Variants in CNTN4 observed in about 807,000 individuals in gnomAD.
CNTN4 encodes the protein contactin 4.
Under a neutral mutation model 122.5 loss-of-function variants are expected in CNTN4, and 77 were observed. The observed-to-expected ratio is 0.63, with a 90% CI of 0.52 to 0.76. The LOEUF is 0.76. CNTN4 is among the 30% of genes least tolerant of loss of function. The pLI is 0.00. For synonymous variants in CNTN4, 512 were observed against 447.0 expected, an observed-to-expected ratio of 1.15 and a Z score of -1.83; for missense variants, 1,256 against 1,259.1, an observed-to-expected ratio of 1.00 and a Z score of 0.04.
At chr3:2,531,935 A>G (rs2077612087) in intron 3 of CNTN4, among the ~76,000 whole-genome samples, 1 of 152,176 alleles carries the variant, frequency 6.6e-6, no homozygotes, top group Non-Finnish European at 1.5e-5. Flanking sequence ...GAAAATTTCA[A>G]CCTTATACAC....
chr3:2,503,464 C>T (rs899226954), intron 3 of CNTN4, among the ~76,000 whole-genome samples: 1 of 152,022 alleles, frequency 6.6e-6, no homozygotes, highest in Non-Finnish European at 1.5e-5. Context: ...GCTTAGTGTG[C>T]CAGGCGTCTT....
chr3:2,672,055 G>A (rs934304768), intron 4 of CNTN4, among the ~76,000 whole-genome samples: 3 of 152,214 alleles, frequency 2.0e-5, no homozygotes, highest in African/African-American at 7.2e-5. Flanking sequence ...AGGCTACTCA[G>A]GGGTCAGGGA....
chr3:2,172,929 G>C (rs1209984349), intron 2 of CNTN4, among the ~76,000 whole-genome samples: 1 of 152,136 alleles, frequency 6.6e-6, no homozygotes, highest in Non-Finnish European at 1.5e-5. Flanking sequence ...GAGAAGAAAG[G>C]CAAAGATGAT....
intron 3 of CNTN4, chr3:2,511,690 TAC>T (rs1455366738): frequency 9.2e-5 from 14 of 152,224 alleles, no homozygotes; most frequent in Non-Finnish European, 2.9e-5. Flanking sequence ...CATTTTACTT[TAC>T]AGTCTGTAAG....
chr3:2,428,768 G>A lies in CNTN4; in HGVS notation c.-89+89535G>A, dbSNP rs143074730. Among the ~76,000 whole-genome samples, 659 of 152,190 alleles carry A rather than the reference G, an allele frequency of 4.3e-3. 3 individuals are homozygous for A. The highest frequency in any genetic ancestry group is 0.014 in the African/African-American group (596 of 41,542). On this transcript the variant is annotated intron_variant, in intron 3 of 24. Transcript: ENST00000418658. The stretch of plus-strand genomic sequence containing the variant: ...CCCATATTCCTTGGAGGCTTTGTTC[G>A]TTTCTTTTTACTCTTTTTTCTCTAA...
At chr3:2,961,915 C>T (rs1004787198) in intron 13 of CNTN4, among the ~76,000 whole-genome samples, 1 of 152,214 alleles carries the variant, frequency 6.6e-6, no homozygotes, top group African/African-American at 2.4e-5. Flanking sequence ...TTTTTGTGTT[C>T]CTGCTTTCAG....
intron 14 of CNTN4, among the ~76,000 whole-genome samples, chr3:2,991,926 T>C (rs1434940026): frequency 6.6e-6 from 1 of 152,206 alleles, no homozygotes; most frequent in Non-Finnish European, 1.5e-5. Context: ...GATTTCCTCA[T>C]GTGTCTGGGA....
intron 6 of CNTN4, among the ~76,000 whole-genome samples, chr3:2,797,921 T>TTA (rs2092239319): frequency 1.3e-4 from 1 of 7,698 alleles, no homozygotes; most frequent in Non-Finnish European, 2.0e-3. Context: ...ACACTGAGTA[T>TTA]TTTTTTTTTT....
intron 14 of CNTN4, among the ~76,000 whole-genome samples, chr3:2,990,009 C>T (rs1325795559): frequency 2.0e-5 from 3 of 152,194 alleles, no homozygotes; most frequent in African/African-American, 7.2e-5. Context: ...ATTTGAGTCT[C>T]ATTTCTACCA....
chr3:2,269,966 G>A (rs1153494), intron 2 of CNTN4, among the ~76,000 whole-genome samples: 8,433 of 100,566 alleles, frequency 0.084, 2,656 homozygotes, highest in Middle Eastern at 0.099. Context: ...TTTTTGAGAC[G>A]GAGTCTCGCT....
At chr3:2,175,095 A>G (rs1014052054) in intron 2 of CNTN4, among the ~76,000 whole-genome samples, 5 of 152,228 alleles carry the variant, frequency 3.3e-5, no homozygotes, top group African/African-American at 9.6e-5. Context: ...GGGGACATAA[A>G]TATTTGATCT....
Position 2,883,338 on chromosome 3 carries a change from G to A in CNTN4, c.755+91G>A, listed in dbSNP as rs2093934217. The A allele has an allele frequency of 4.2e-6, 4 of 951,044 alleles. No individual in the cohort carries two copies. The East Asian group carries it at 1.1e-4, about 25-fold the overall frequency. 58.9% of individuals were successfully genotyped at this position (951,044 alleles called of 1,614,324 possible). A position where few individuals can be genotyped will look rare whatever the true frequency, so the allele number is the denominator to read the frequency against. On this transcript the variant is annotated intron_variant, in intron 9 of 24. Transcript: ENST00000418658. ...CACTGTTCACAGCGATGGTTTCTGA[G>A]GTGACGGAAAAGCAAGTGAAGCCTT...
intron 3 of CNTN4, among the ~76,000 whole-genome samples, chr3:2,537,961 C>T (rs2077876125): frequency 6.6e-6 from 1 of 151,860 alleles, no homozygotes; most frequent in African/African-American, 2.4e-5. Context: ...CCTCCCCCTA[C>T]CCCCAAAATT....
rs7630979 is a variant in CNTN4 at position 3,000,657 on chromosome 3, T to G, written c.1486+12185T>G. Among the ~76,000 whole-genome samples the G allele has an allele frequency of 6.1e-3, 935 of 152,334 alleles. 6 individuals are homozygous for G. The highest frequency in any genetic ancestry group is 0.021 in the African/African-American group (881 of 41,568). On this transcript the variant is annotated intron_variant, in intron 14 of 24. Transcript: ENST00000418658. ...ATACAAGTGTGTGGTTTGAGTAGCC[T>G]GTAGGGTCATTTTCTATTCATCTTA...
At chr3:2,121,482 G>A (rs2033777483) in intron 2 of CNTN4, among the ~76,000 whole-genome samples, 1 of 145,502 alleles carries the variant, frequency 6.9e-6, no homozygotes. Flanking sequence ...GGGTGACAGA[G>A]TGAGACTCCG....
intron 2 of CNTN4, among the ~76,000 whole-genome samples, chr3:2,195,022 C>T (rs1270251059): frequency 6.6e-6 from 1 of 151,904 alleles, no homozygotes; most frequent in Non-Finnish European, 1.5e-5. Flanking sequence ...ACCTATTCTT[C>T]CTCCAGTCTA....
chr3:2,708,287 G>T (rs2086863039), intron 4 of CNTN4, among the ~76,000 whole-genome samples: 2 of 152,042 alleles, frequency 1.3e-5, no homozygotes, highest in African/African-American at 2.4e-5. Flanking sequence ...ATTTGCTGAT[G>T]ATACAATGGC....
intron 14 of CNTN4, among the ~76,000 whole-genome samples, chr3:2,995,824 A>G (rs1463088713): frequency 1.3e-5 from 2 of 152,192 alleles, no homozygotes; most frequent in Non-Finnish European, 2.9e-5. Context: ...TGTGGAGAGC[A>G]AGTAAAATTG....
At chr3:2,423,548 C>T (rs2047692237) in intron 3 of CNTN4, among the ~76,000 whole-genome samples, 1 of 145,526 alleles carries the variant, frequency 6.9e-6, no homozygotes, top group Admixed American at 7.0e-5. Flanking sequence ...CATTAATAAA[C>T]ATGACTAAAA....
Sources: gnomAD v4.1 joint callset for allele counts (sites outside exome capture counted in the v4.1 genomes callset) on GRCh38, gnomAD v4.1.1 for gene constraint, MANE v1.5 for transcripts, NCBI Gene and HGNC (gene_info 2026-07-23, HGNC 2026-07-21) for gene names.